The following CSTPP1 variants were observed in gnomAD, a reference collection of about 807,000 sequenced individuals.
The protein encoded by CSTPP1 is centriolar satellite-associated tubulin polyglutamylase complex regulator 1.
chr11:47,112,765 A>C, the CSTPP1 span, among the ~76,000 whole-genome samples: 4 of 152,208 alleles, frequency 2.6e-5, no homozygotes, highest in African/African-American at 9.6e-5. Context: ...GATGCTACAT[A>C]ATATCTATTA....
chr11:47,038,114 A>C, the CSTPP1 span, among the ~76,000 whole-genome samples: 9 of 30,982 alleles, frequency 2.9e-4, no homozygotes, highest in African/African-American at 7.9e-4. Context: ...TGACCCCCCC[A>C]CCTCCCTCCC....
chr11:47,132,078 G>C, the CSTPP1 span, among the ~76,000 whole-genome samples: 1 of 152,180 alleles, frequency 6.6e-6, no homozygotes, highest in Non-Finnish European at 1.5e-5. Context: ...ATGAAGTGTA[G>C]TACACTGGTC....
the CSTPP1 span, among the ~76,000 whole-genome samples, chr11:47,025,906 A>T: frequency 6.6e-6 from 1 of 152,248 alleles, no homozygotes; most frequent in African/African-American, 2.4e-5. Context: ...AAAAGAAAAC[A>T]GACAAGAAAT....
chr11:47,107,971 C>T, the CSTPP1 span, among the ~76,000 whole-genome samples: 1 of 152,260 alleles, frequency 6.6e-6, no homozygotes, highest in Non-Finnish European at 1.5e-5. Flanking sequence ...AGGCCTTCCA[C>T]AACTTCTGCA....
the CSTPP1 span, among the ~76,000 whole-genome samples, chr11:47,118,457 T>C: frequency 6.6e-6 from 1 of 152,236 alleles, no homozygotes; most frequent in Non-Finnish European, 1.5e-5. Context: ...TTCTGTCAAC[T>C]CTTCAAAGTC....
chr11:47,034,504 CTTTTT>C, the CSTPP1 span, among the ~76,000 whole-genome samples: 1 of 144,330 alleles, frequency 6.9e-6, no homozygotes, highest in Non-Finnish European at 1.5e-5. Context: ...TTAAAAGCTT[CTTTTT>C]TTTTTTTTTT....
chr11:47,092,461 A>T, the CSTPP1 span, among the ~76,000 whole-genome samples: 1 of 152,154 alleles, frequency 6.6e-6, no homozygotes, highest in African/African-American at 2.4e-5. Flanking sequence ...CCTATAAGAG[A>T]ATTATGAGAA....
the CSTPP1 span, among the ~76,000 whole-genome samples, chr11:46,976,566 T>C: frequency 6.6e-6 from 1 of 152,154 alleles, no homozygotes; most frequent in Non-Finnish European, 1.5e-5. Flanking sequence ...TGCTATAAAA[T>C]AAGGATAAAA....
chr11:47,075,926 CAAAAAAAAA>C, the CSTPP1 span, among the ~76,000 whole-genome samples: 2 of 35,824 alleles, frequency 5.6e-5, no homozygotes, highest in East Asian at 2.8e-3. Flanking sequence ...GATTCATTCT[CAAAAAAAAA>C]AAAAAAAAAA....
At chr11:47,082,146 T>A in the CSTPP1 span, among the ~76,000 whole-genome samples, 1 of 116,074 alleles carries the variant, frequency 8.6e-6, no homozygotes, top group African/African-American at 3.1e-5. Context: ...TGAGACCCTG[T>A]CTCAAAAAAA....
At chr11:47,129,420 T>G in the CSTPP1 span, among the ~76,000 whole-genome samples, 190 of 152,302 alleles carry the variant, frequency 1.2e-3, 1 homozygote, top group African/African-American at 4.4e-3. Flanking sequence ...CTAGCCCCGT[T>G]GCTACTAGAG....
chr11:46,944,146 C>T, the CSTPP1 span, among the ~76,000 whole-genome samples: 1 of 151,938 alleles, frequency 6.6e-6, no homozygotes, highest in African/African-American at 2.4e-5. Context: ...GGTGAAACCC[C>T]ATCTCTACTA....
At chr11:46,951,783 T>G in the CSTPP1 span, among the ~76,000 whole-genome samples, 3 of 152,334 alleles carry the variant, frequency 2.0e-5, no homozygotes, top group African/African-American at 7.2e-5. Context: ...AGATAGCAGT[T>G]AGTGAAGCTG....
the CSTPP1 span, among the ~76,000 whole-genome samples, chr11:47,040,421 AGACTCCCTCCCTGCTTCCTGTTGTGCTG>A: frequency 1.6e-5 from 2 of 126,928 alleles, no homozygotes; most frequent in Admixed American, 1.7e-4. Context: ...CCAGGAGAAT[AGACTCCCTCCCTGCTTCCTGTTGTGCTG>A]GACCCCTATT....
At chr11:47,011,565 C>T in the CSTPP1 span, among the ~76,000 whole-genome samples, 1 of 152,260 alleles carries the variant, frequency 6.6e-6, no homozygotes, top group South Asian at 2.1e-4. Flanking sequence ...GAAGAAGAAA[C>T]GAAGTATAGA....
the CSTPP1 span, among the ~76,000 whole-genome samples, chr11:47,043,985 T>C: frequency 1.3e-5 from 2 of 152,140 alleles, no homozygotes; most frequent in East Asian, 3.8e-4. Context: ...AGGTTTATTT[T>C]TATTTATTTA....
At chr11:46,958,429 T>C in the CSTPP1 span, among the ~76,000 whole-genome samples, 3 of 152,228 alleles carry the variant, frequency 2.0e-5, no homozygotes, top group Non-Finnish European at 2.9e-5. Flanking sequence ...AAATATTGGC[T>C]ATTAATAGTT....
At chr11:47,117,384 T>C in the CSTPP1 span, among the ~76,000 whole-genome samples, 1 of 152,232 alleles carries the variant, frequency 6.6e-6, no homozygotes, top group African/African-American at 2.4e-5. Flanking sequence ...TATTTCTCCT[T>C]CATTTATGAA....
the CSTPP1 span, among the ~76,000 whole-genome samples, chr11:47,140,451 C>G: frequency 2.0e-5 from 3 of 152,158 alleles, no homozygotes; most frequent in Non-Finnish European, 4.4e-5. Flanking sequence ...GAGACAGAAT[C>G]TCACTCTGTA....
Sources: gnomAD v4.1 joint callset for allele counts (sites outside exome capture counted in the v4.1 genomes callset) on GRCh38, gnomAD v4.1.1 for gene constraint, MANE v1.5 for transcripts, NCBI Gene and HGNC (gene_info 2026-07-23, HGNC 2026-07-21) for gene names.